Variants in FREM2 observed in about 807,000 individuals in gnomAD.
FREM2 encodes FRAS1 related extracellular matrix 2.
In FREM2, 119 loss-of-function variants were observed where a neutral mutation model predicts 219.9. The observed-to-expected ratio is 0.54, with a 90% CI of 0.47 to 0.63. The LOEUF is 0.63. Ranked by LOEUF, FREM2 falls within the 30% of genes least tolerant of loss-of-function variation. The pLI is 0.00. For missense variants in FREM2, 4,030 were observed against 3,993.6 expected (o/e 1.01, Z -0.25); for synonymous variants, 1,562 against 1,522.8 (o/e 1.03, Z -0.60).
At chr13:38,802,676 C>A (rs1385053690) in intron 6 of FREM2, among the ~76,000 whole-genome samples, 1 of 152,180 alleles carries the variant, frequency 6.6e-6, no homozygotes, top group Non-Finnish European at 1.5e-5. Flanking sequence ...AGACACAGTC[C>A]TTTGGGGGTT....
chr13:38,738,219 A>T (rs546589247), intron 2 of FREM2, among the ~76,000 whole-genome samples: 2 of 152,132 alleles, frequency 1.3e-5, no homozygotes, highest in Non-Finnish European at 2.9e-5. Context: ...AGCTTTGGAC[A>T]TATGAAAATT....
intron 6 of FREM2, among the ~76,000 whole-genome samples, chr13:38,839,734 C>T (rs1876872866): frequency 6.6e-6 from 1 of 152,138 alleles, no homozygotes; most frequent in Non-Finnish European, 1.5e-5. Flanking sequence ...TTTGAGCTTC[C>T]TGGAGGCTTT....
chr13:38,767,001 C>T (rs1593394436), intron 3 of FREM2, among the ~76,000 whole-genome samples: 2 of 152,204 alleles, frequency 1.3e-5, no homozygotes, highest in Non-Finnish European at 1.5e-5. Context: ...CCTAGGTCAA[C>T]TCCATGAGAA....
At chr13:38,788,837 A>T (rs1469335752) in intron 6 of FREM2, among the ~76,000 whole-genome samples, 1 of 152,106 alleles carries the variant, frequency 6.6e-6, no homozygotes, top group Non-Finnish European at 1.5e-5. Flanking sequence ...TTAAGAAAAC[A>T]TTTAGTTTGA....
At chr13:38,725,733 G>T (rs890707208) in intron 2 of FREM2, among the ~76,000 whole-genome samples, 2 of 152,160 alleles carry the variant, frequency 1.3e-5, no homozygotes, top group African/African-American at 4.8e-5. Context: ...GCAAGGGAAG[G>T]ATATAATCTA....
intron 5 of FREM2, 87 bp downstream of exon 5, chr13:38,783,282 T>C: frequency 3.0e-6 from 4 of 1,343,652 alleles, no homozygotes; most frequent in Non-Finnish European, 4.3e-6. Context: ...CATTTTACCA[T>C]GAGGGGTATA....
intron 6 of FREM2, among the ~76,000 whole-genome samples, chr13:38,810,268 G>A (rs1875424679): frequency 6.6e-6 from 1 of 151,852 alleles, no homozygotes; most frequent in African/African-American, 2.4e-5. Context: ...TGCAAAAAAA[G>A]GAAAATTTGA....
rs555945115 is a variant in FREM2 at position 38,804,716 on chromosome 13, T to C, written c.6019+19908T>C. Among the ~76,000 whole-genome samples the C allele has an allele frequency of 2.6e-5, 4 of 152,156 alleles. No homozygotes were observed. In the East Asian group the frequency reaches 5.8e-4, roughly 22 times the overall value. ...TGAAGCATTTAAAAGATGAAAAGGA[T>C]GTAGATGAATGAAGAATAAGGCTAC... On this transcript the variant is annotated intron_variant, in intron 6 of 23. Coordinates refer to ENST00000280481, the MANE Select transcript of FREM2 (RefSeq NM_207361.6).
At chr13:38,822,617 T>C (rs1876111702) in intron 6 of FREM2, among the ~76,000 whole-genome samples, 1 of 152,116 alleles carries the variant, frequency 6.6e-6, no homozygotes, top group Non-Finnish European at 1.5e-5. Flanking sequence ...AGTACAGTTT[T>C]ATAAGTCTTT....
chr13:38,877,622 C>T (rs1878387936), intron 21 of FREM2, among the ~76,000 whole-genome samples: 1 of 152,114 alleles, frequency 6.6e-6, no homozygotes, highest in Non-Finnish European at 1.5e-5. Context: ...ACCCAGCACA[C>T]ATACCTAGCA....
intron 6 of FREM2, among the ~76,000 whole-genome samples, chr13:38,792,344 T>C (rs1874595902): frequency 6.6e-6 from 1 of 152,094 alleles, no homozygotes; most frequent in Non-Finnish European, 1.5e-5. Flanking sequence ...CAAGACTCGG[T>C]CTCAAAAAAT....
chr13:38,735,409 T>C (rs1871950679), intron 2 of FREM2, among the ~76,000 whole-genome samples: 1 of 152,198 alleles, frequency 6.6e-6, no homozygotes, highest in Admixed American at 6.5e-5. Context: ...GAAAGTGAAG[T>C]TCATTAAAGA....
intron 16 of FREM2, among the ~76,000 whole-genome samples, chr13:38,865,148 C>G (rs1877916059): frequency 6.6e-6 from 1 of 152,020 alleles, no homozygotes; most frequent in Admixed American, 6.6e-5. Flanking sequence ...CTTTTTGATT[C>G]ATTTATCTAT....
intron 6 of FREM2, among the ~76,000 whole-genome samples, chr13:38,833,143 G>A (rs984925334): frequency 6.6e-6 from 1 of 152,092 alleles, no homozygotes; most frequent in African/African-American, 2.4e-5. Context: ...ACTTTTTATA[G>A]TCTTATCTTT....
chr13:38,715,784 A>C (rs970573295), intron 2 of FREM2, among the ~76,000 whole-genome samples: 1 of 152,134 alleles, frequency 6.6e-6, no homozygotes, highest in African/African-American at 2.4e-5. Context: ...ATTTTCTGTC[A>C]CTTTGGTAAA....
At chr13:38,714,815 T>A (rs7325603) in intron 2 of FREM2, among the ~76,000 whole-genome samples, 3,143 of 152,146 alleles carry the variant, frequency 0.021, 101 homozygotes, top group African/African-American at 0.07. Flanking sequence ...CCCAGCGCGG[T>A]AGGTCACACC....
chr13:38,765,262 T>A (rs983763108), intron 3 of FREM2, among the ~76,000 whole-genome samples: 1 of 152,194 alleles, frequency 6.6e-6, no homozygotes, highest in Non-Finnish European at 1.5e-5. Context: ...GGCAGTATAT[T>A]GGTACTTTTA....
chr13:38,767,356 A>G (rs987790471), intron 3 of FREM2, among the ~76,000 whole-genome samples: 4 of 152,246 alleles, frequency 2.6e-5, no homozygotes, highest in African/African-American at 9.6e-5. Flanking sequence ...ATGGTATTGC[A>G]ACTCATTTAA....
Position 38,878,827 on chromosome 13 carries a change from A to G in FREM2, c.8860-4A>G, listed in dbSNP as rs1345535252. 3 of 1,614,122 alleles carry G rather than the reference A, an allele frequency of 1.9e-6. No individual in the cohort carries two copies. The highest frequency in any genetic ancestry group is 1.7e-6 in the Non-Finnish European group (2 of 1,179,936). ...GCAATCACCACTTTCCTTACTGCTT[A>G]AAGGACAAAGCTCAGCCAGAGACAC... is the stretch of plus-strand genomic sequence containing the variant. On this transcript the variant is annotated splice_polypyrimidine_tract_variant and splice_region_variant and intron_variant, in intron 22 of 23. Coordinates refer to ENST00000280481, the MANE Select transcript of FREM2 (RefSeq NM_207361.6).
Sources: allele counts gnomAD v4.1 joint callset (sites outside exome capture counted in the v4.1 genomes callset), GRCh38; gene constraint gnomAD v4.1.1; transcripts MANE v1.5; gene names NCBI Gene and HGNC (gene_info 2026-07-23, HGNC 2026-07-21).